The following LTBP1 variants were observed in gnomAD, a reference collection of about 807,000 sequenced individuals.
The protein encoded by LTBP1 is latent transforming growth factor beta binding protein 1.
In LTBP1, 129 loss-of-function variants were observed where a neutral mutation model predicts 207.6. The observed-to-expected ratio is 0.62, with a 90% confidence interval of 0.54 to 0.72. The LOEUF is 0.72. Among genes scored for constraint, LTBP1 ranks in the 30% least tolerant of loss-of-function variants. The pLI is 0.00. For synonymous variants in LTBP1, 963 were observed against 833.7 expected, an observed-to-expected ratio of 1.16 and a Z score of -2.67; for missense variants, 2,281 against 2,217.2, an observed-to-expected ratio of 1.03 and a Z score of -0.58.
Position 33,188,771 on chromosome 2 carries a change from C to A in LTBP1, c.1621C>A (p.Gln541Lys). The A allele has an allele frequency of 2.5e-6, 4 of 1,614,184 alleles. No homozygotes were observed. Among genetic ancestry groups the A allele is most frequent in the Non-Finnish European group, 2.5e-6 (3 of 1,180,036 alleles). Residue 541 changes from glutamine to lysine, a missense_variant, in exon 7 of 34, where the codon CAG (glutamine) becomes AAG (lysine). Physicochemically the swap from Gln to Lys is moderately conservative, Grantham distance 53 (BLOSUM62 1). Transcript: ENST00000404816. ...TQTIHSTYSH[Q>K]QVIPHVYPVA... ...GACCATACATTCCACATACTCCCAC[C>A]AGCAGGTCATTCCTCACGTCTACCC...
At chr2:33,219,749 C>T (rs1254534688) in intron 8 of LTBP1, among the ~76,000 whole-genome samples, 1 of 152,072 alleles carries the variant, frequency 6.6e-6, no homozygotes, top group Admixed American at 6.6e-5. Flanking sequence ...TTCATTTACC[C>T]CCTTCTTTGT....
At chr2:33,045,525 A>G in intron 3 of LTBP1, among the ~76,000 whole-genome samples, 1 of 151,974 alleles carries the variant, frequency 6.6e-6, no homozygotes, top group Non-Finnish European at 1.5e-5. Context: ...GCCTTGTAGT[A>G]TAGTTTGAAG....
intron 3 of LTBP1, among the ~76,000 whole-genome samples, chr2:33,080,531 T>C (rs2078332632): frequency 6.6e-6 from 1 of 152,234 alleles, no homozygotes; most frequent in African/African-American, 2.4e-5. Flanking sequence ...AAAGTATGCA[T>C]TCATATTATT....
intron 5 of LTBP1, among the ~76,000 whole-genome samples, chr2:33,174,075 ATTCCC>A (rs1381426553): frequency 6.8e-6 from 1 of 146,414 alleles, no homozygotes; most frequent in African/African-American, 2.5e-5. Context: ...AACTGGAAGC[ATTCCC>A]TTTGAAAAGT....
chr2:33,234,427 AAT>A (rs1331033944), intron 9 of LTBP1, among the ~76,000 whole-genome samples: 3 of 152,150 alleles, frequency 2.0e-5, no homozygotes, highest in Non-Finnish European at 4.4e-5. Flanking sequence ...ATACACCAAT[AAT>A]AGACAGACAG....
chr2:33,299,743 T>C (rs1347908980), intron 20 of LTBP1, among the ~76,000 whole-genome samples: 1 of 152,238 alleles, frequency 6.6e-6, no homozygotes, highest in Admixed American at 6.5e-5. Flanking sequence ...GTTCAAGTTA[T>C]TGATGAAGCC....
chr2:33,344,243 A>G (rs961449531), intron 25 of LTBP1, among the ~76,000 whole-genome samples: 6 of 152,240 alleles, frequency 3.9e-5, no homozygotes, highest in African/African-American at 1.4e-4. Context: ...ATTATTCACA[A>G]CAAGACATAG....
chr2:33,262,922 C>T (rs1250587697), intron 14 of LTBP1, 101 bp downstream of exon 14: 8 of 699,582 alleles, frequency 1.1e-5, no homozygotes, highest in Non-Finnish European at 2.0e-5. Flanking sequence ...TACTAGACTT[C>T]ATAACTGAAG....
At chr2:32,960,607 C>A (rs555129229) in intron 2 of LTBP1, among the ~76,000 whole-genome samples, 4 of 151,932 alleles carry the variant, frequency 2.6e-5, no homozygotes, top group African/African-American at 9.6e-5. Flanking sequence ...TTTTTTTTCC[C>A]TCTAATTTTA....
chr2:33,260,552 A>G (rs1230090276), intron 13 of LTBP1, among the ~76,000 whole-genome samples: 1 of 152,204 alleles, frequency 6.6e-6, no homozygotes, highest in East Asian at 1.9e-4. Context: ...TAATTATGGG[A>G]TAGAGTAACA....
rs546469365 is a variant in LTBP1 at position 33,071,581 on chromosome 2, G to A, written c.864-39001G>A. ...GGAAGGGAAGCAGGGAATCAGAAGG[G>A]TGTGGTCCACAAGCTAATGGAAGGA... On this transcript the variant is annotated intron_variant, in intron 3 of 33. Coordinates refer to ENST00000404816, the MANE Select transcript of LTBP1 (RefSeq NM_206943.4). Among the ~76,000 whole-genome samples, 7 of 152,254 alleles carry A rather than the reference G, an allele frequency of 4.6e-5. No homozygotes were observed. The East Asian group carries it at 1.2e-3, about 25-fold the overall frequency.
At chr2:33,396,691 G>A (rs530197571) in intron 32 of LTBP1, among the ~76,000 whole-genome samples, 15 of 152,246 alleles carry the variant, frequency 9.9e-5, no homozygotes, top group South Asian at 6.2e-4. Flanking sequence ...TACAAACGCC[G>A]GCTGAAAACG....
chr2:33,226,330 G>C (rs2091436042), intron 9 of LTBP1, among the ~76,000 whole-genome samples: 1 of 152,096 alleles, frequency 6.6e-6, no homozygotes, highest in Non-Finnish European at 1.5e-5. Context: ...GGTGTTTATT[G>C]CAGTATAATC....
At chr2:33,310,892 A>G (rs780030909) in intron 23 of LTBP1, among the ~76,000 whole-genome samples, 5 of 152,008 alleles carry the variant, frequency 3.3e-5, no homozygotes, top group African/African-American at 4.8e-5. Flanking sequence ...ATATCTGTTT[A>G]TTTTTGATAC....
chr2:33,068,348 C>T (rs2077620935), intron 3 of LTBP1, among the ~76,000 whole-genome samples: 1 of 151,928 alleles, frequency 6.6e-6, no homozygotes, highest in South Asian at 2.1e-4. Context: ...TCCATATACT[C>T]CCTGCCCCCA....
chr2:32,984,799 C>T (rs996331755), intron 2 of LTBP1, among the ~76,000 whole-genome samples: 4 of 150,364 alleles, frequency 2.7e-5, no homozygotes, highest in Non-Finnish European at 5.9e-5. Flanking sequence ...GGCGTGGTGG[C>T]GCACGCCTGT....
rs539485452 is a variant in LTBP1, at chr2:33,382,356, A to G, written c.4712-6828A>G. Among the ~76,000 whole-genome samples the G allele has an allele frequency of 2.6e-5, 4 of 151,958 alleles. No individual in the cohort carries two copies. The South Asian group carries it at 8.3e-4, about 32-fold the overall frequency. ...GTGATCCACCCGCCTCGGGCTCCCA[A>G]AGTGCTGGGATTATAGGCGTGAGCC... On this transcript the variant is annotated intron_variant, in intron 31 of 33. Coordinates refer to ENST00000404816, the MANE Select transcript of LTBP1 (RefSeq NM_206943.4).
intron 8 of LTBP1, among the ~76,000 whole-genome samples, chr2:33,220,261 C>T (rs924497085): frequency 6.6e-6 from 1 of 152,204 alleles, no homozygotes; most frequent in Non-Finnish European, 1.5e-5. Flanking sequence ...TGGGACTCCT[C>T]TCTAAATCAT....
At chr2:33,365,201 G>A in intron 30 of LTBP1, 132 bp from the exon 31 acceptor site, 1 of 731,524 alleles carries the variant, frequency 1.4e-6, no homozygotes, top group Non-Finnish European at 2.3e-6. Context: ...AGACCAGACT[G>A]GATTCAGACT....
Sources: gnomAD v4.1 joint callset for allele counts (sites outside exome capture counted in the v4.1 genomes callset) on GRCh38, gnomAD v4.1.1 for gene constraint, MANE v1.5 for transcripts, NCBI Gene and HGNC (gene_info 2026-07-23, HGNC 2026-07-21) for gene names.